Variants in CADM2 observed in about 807,000 individuals in gnomAD.
CADM2 encodes immunoglobulin superfamily member 4D.
Under a neutral mutation model 49.8 loss-of-function variants are expected in CADM2, and 12 were observed. That is an observed-to-expected ratio of 0.24 (90% CI 0.15 to 0.39). The LOEUF (loss-of-function observed/expected upper bound fraction) is 0.39. CADM2 is among the 10% of genes least tolerant of loss of function. The probability of loss-of-function intolerance (pLI) is 1.00; values close to 1 mark genes in which losing one functional copy is unlikely to be tolerated. For synonymous variants in CADM2, 214 were observed against 175.4 expected (o/e 1.22, Z -1.74); for missense variants, 378 against 492.3 (o/e 0.77, Z 2.20).
At chr3:85,343,993 A>G (rs1056978045) in intron 1 of CADM2, among the ~76,000 whole-genome samples, 3 of 152,336 alleles carry the variant, frequency 2.0e-5, no homozygotes, top group African/African-American at 7.2e-5. Context: ...TAAGAAAATA[A>G]AAATCTAAAG....
At chr3:85,835,135 A>C (rs2074351332) in intron 3 of CADM2, among the ~76,000 whole-genome samples, 1 of 151,504 alleles carries the variant, frequency 6.6e-6, no homozygotes, top group African/African-American at 2.4e-5. Flanking sequence ...AAAATTTTAA[A>C]AATTTAAATA....
At chr3:85,655,563 A>G (rs1313935353) in intron 1 of CADM2, among the ~76,000 whole-genome samples, 3 of 152,104 alleles carry the variant, frequency 2.0e-5, no homozygotes, top group Non-Finnish European at 2.9e-5. Flanking sequence ...TAGGCACTGT[A>G]CTAAAACTTT....
At chr3:85,366,338 G>A (rs2032782181) in intron 1 of CADM2, among the ~76,000 whole-genome samples, 1 of 152,158 alleles carries the variant, frequency 6.6e-6, no homozygotes, top group African/African-American at 2.4e-5. Context: ...TTACACACCT[G>A]CGGAGATTTT....
rs550602161 is a variant in CADM2, at chr3:85,186,127, T to G, written c.61+226459T>G. Among the ~76,000 whole-genome samples, 15 of 152,290 alleles carry G rather than the reference T, an allele frequency of 9.8e-5. No homozygotes were observed. The South Asian group carries it at 2.9e-3, about 30-fold the overall frequency. On this transcript the variant is annotated intron_variant, in intron 1 of 9. Transcript: ENST00000383699. Reference sequence around the variant, plus strand: ...TAGATTGTTTTTTAAAAAGTATATTTTTAAACTAGAACGGAGACAACAGTT... The same window carrying G: ...TAGATTGTTTTTTAAAAAGTATATTGTTAAACTAGAACGGAGACAACAGTT...
intron 1 of CADM2, among the ~76,000 whole-genome samples, chr3:85,409,584 G>A (rs554686735): frequency 6.6e-6 from 1 of 152,184 alleles, no homozygotes; most frequent in African/African-American, 2.4e-5. Context: ...CAAATAGAAA[G>A]TCATATGATC....
intron 1 of CADM2, among the ~76,000 whole-genome samples, chr3:84,986,683 G>C (rs1173718668): frequency 6.6e-6 from 1 of 151,624 alleles, no homozygotes; most frequent in Admixed American, 6.6e-5. Flanking sequence ...CAGCACACCA[G>C]CATGGCACAT....
At chr3:85,312,107 C>G (rs936901147) in intron 1 of CADM2, among the ~76,000 whole-genome samples, 1 of 152,136 alleles carries the variant, frequency 6.6e-6, no homozygotes, top group Middle Eastern at 3.4e-3. Flanking sequence ...TCCAAAGTTT[C>G]ATTAGAGAGA....
chr3:85,851,360 C>T (rs890851598), intron 3 of CADM2, among the ~76,000 whole-genome samples: 1 of 151,774 alleles, frequency 6.6e-6, no homozygotes, highest in Non-Finnish European at 1.5e-5. Flanking sequence ...AGTTGTTCTA[C>T]TATTTGTCTT....
intron 1 of CADM2, among the ~76,000 whole-genome samples, chr3:85,594,826 C>T (rs1199895485): frequency 6.6e-6 from 1 of 151,896 alleles, no homozygotes; most frequent in Non-Finnish European, 1.5e-5. Flanking sequence ...ATATTATAAC[C>T]TGGGGCTATG....
At chr3:85,464,046 G>A (rs1378488197) in intron 1 of CADM2, among the ~76,000 whole-genome samples, 1 of 152,026 alleles carries the variant, frequency 6.6e-6, no homozygotes, top group Admixed American at 6.6e-5. Flanking sequence ...GATGCAGTAT[G>A]AGCAATGAAG....
At chr3:85,780,586 A>C (rs1229054640) in intron 2 of CADM2, among the ~76,000 whole-genome samples, 1 of 152,148 alleles carries the variant, frequency 6.6e-6, no homozygotes, top group Non-Finnish European at 1.5e-5. Flanking sequence ...TTCCCAAAAC[A>C]TTGCCTTCTG....
rs1400865268 is a variant in CADM2 at position 86,072,194 on chromosome 3, T to C, written c.*5411T>C. 1 of 151,848 alleles carries C rather than the reference T, an allele frequency of 6.6e-6. No homozygotes were observed. The highest frequency in any genetic ancestry group is 2.4e-5 in the African/African-American group (1 of 41,412). The allele number at this position is 151,848 out of a possible 1,614,324, so 9.4% of individuals were successfully genotyped here. Reference sequence around the variant, plus strand: ...CATGAATATCTCAAATTATAATGGTTAATCTCTAAAATATGCTTAAAGTAA... The same window carrying C: ...CATGAATATCTCAAATTATAATGGTCAATCTCTAAAATATGCTTAAAGTAA... On this transcript the variant is annotated 3_prime_UTR_variant, in exon 10 of 10. Coordinates refer to ENST00000383699, the MANE Select transcript of CADM2 (RefSeq NM_001167675.2).
intron 1 of CADM2, among the ~76,000 whole-genome samples, chr3:85,199,065 A>G (rs2041418101): frequency 6.6e-6 from 1 of 151,848 alleles, no homozygotes; most frequent in Non-Finnish European, 1.5e-5. Context: ...CCATCATTTG[A>G]TCTTTACTGA....
At chr3:85,794,996 T>G (rs956635585) in intron 2 of CADM2, among the ~76,000 whole-genome samples, 3 of 152,096 alleles carry the variant, frequency 2.0e-5, no homozygotes, top group Non-Finnish European at 4.4e-5. Flanking sequence ...TGCATGTTTT[T>G]GGGGTACAAT....
At chr3:85,763,474 T>A (rs946976904) in intron 2 of CADM2, among the ~76,000 whole-genome samples, 3 of 152,196 alleles carry the variant, frequency 2.0e-5, no homozygotes, top group Non-Finnish European at 4.4e-5. Flanking sequence ...TCCCTTCTGG[T>A]GGTTCATTTA....
intron 1 of CADM2, among the ~76,000 whole-genome samples, chr3:85,240,354 A>C (rs1211973492): frequency 6.6e-6 from 1 of 151,514 alleles, no homozygotes; most frequent in Non-Finnish European, 1.5e-5. Context: ...TTTTATGAAA[A>C]TTATTTTTAA....
intron 1 of CADM2, among the ~76,000 whole-genome samples, chr3:85,051,342 T>C (rs2035875429): frequency 6.6e-6 from 1 of 152,180 alleles, no homozygotes; most frequent in Non-Finnish European, 1.5e-5. Context: ...TAACTGTAGA[T>C]TGCTTCTTCA....
At chr3:85,541,279 C>CAT (rs142262917) in intron 1 of CADM2, among the ~76,000 whole-genome samples, 76,850 of 150,602 alleles carry the variant, frequency 0.51, 22,611 homozygotes, top group East Asian at 0.85. Context: ...ATATATGTCA[C>CAT]ATATACACAC....
At chr3:85,933,494 C>T (rs1720846657) in intron 6 of CADM2, among the ~76,000 whole-genome samples, 1 of 152,106 alleles carries the variant, frequency 6.6e-6, no homozygotes, top group African/African-American at 2.4e-5. Context: ...TAAAAGACAG[C>T]CTCAGGGTCT....
Sources: gnomAD v4.1 joint callset for allele counts (sites outside exome capture counted in the v4.1 genomes callset) on GRCh38, gnomAD v4.1.1 for gene constraint, MANE v1.5 for transcripts, NCBI Gene and HGNC (gene_info 2026-07-23, HGNC 2026-07-21) for gene names.